Variants in NALF1 observed in about 807,000 individuals in gnomAD.
NALF1 encodes the protein family with sequence similarity 155 member A.
NALF1 carries 3 observed loss-of-function variants against 48.4 expected under a neutral mutation model. The ratio of observed to expected loss-of-function variants is 0.06; its 90% CI spans 0.03 to 0.16. The LOEUF (loss-of-function observed/expected upper bound fraction) is 0.16, where lower values mean the gene tolerates loss of function less well. Among genes scored for constraint, NALF1 ranks in the 10% least tolerant of loss-of-function variants. The probability of loss-of-function intolerance (pLI) is 1.00; values close to 1 mark genes in which losing one functional copy is unlikely to be tolerated. For synonymous variants in NALF1, 262 were observed against 245.7 expected (o/e 1.07, Z -0.62); for missense variants, 526 against 571.5 (o/e 0.92, Z 0.81).
chr13:107,199,504 C>T (rs1381636716), intron 2 of NALF1, among the ~76,000 whole-genome samples: 4 of 152,076 alleles, frequency 2.6e-5, no homozygotes, highest in African/African-American at 9.7e-5. Context: ...TATACGGTCA[C>T]ATTCTGGGGT....
At chr13:107,828,758 T>C (rs1391448248) in intron 1 of NALF1, among the ~76,000 whole-genome samples, 1 of 152,154 alleles carries the variant, frequency 6.6e-6, no homozygotes, top group Non-Finnish European at 1.5e-5. Context: ...CAATAATGGC[T>C]TAACAATTTG....
chr13:107,865,636 G>A (rs371583282), intron 1 of NALF1, 46 bp downstream of exon 1: 24 of 1,580,996 alleles, frequency 1.5e-5, no homozygotes, highest in Non-Finnish European at 2.1e-5. Flanking sequence ...CAACCAAGCA[G>A]AGATAGGAAA....
At chr13:107,264,096 G>A (rs149169794) in intron 1 of NALF1, among the ~76,000 whole-genome samples, 381 of 152,248 alleles carry the variant, frequency 2.5e-3, no homozygotes, top group African/African-American at 8.9e-3. Flanking sequence ...CTCCATTCGT[G>A]ATATTCAAAT....
intron 1 of NALF1, among the ~76,000 whole-genome samples, chr13:107,715,699 G>C (rs1875794380): frequency 6.6e-6 from 1 of 152,190 alleles, no homozygotes; most frequent in South Asian, 2.1e-4. Flanking sequence ...CAGCAGAGAT[G>C]GCTGTGAAGC....
intron 1 of NALF1, among the ~76,000 whole-genome samples, chr13:107,215,876 T>A (rs1473543565): frequency 6.6e-6 from 1 of 152,192 alleles, no homozygotes; most frequent in African/African-American, 2.4e-5. Context: ...CATTACTTTT[T>A]AAATATATAT....
chr13:107,437,277 T>C lies in NALF1; in HGVS notation c.916-226522A>G, dbSNP rs911183090. 2.0e-4 allele frequency among the ~76,000 whole-genome samples: 31 copies of C among 152,184 alleles called. 1 individual carries two copies. The stretch of plus-strand genomic sequence containing the variant: ...CCCACATGCAGGGGTACACTGACTA[T>C]CCTGTATTGTTGGTAGGGTAAAATA... On this transcript the variant is annotated intron_variant, in intron 1 of 2. Transcript: ENST00000375915.
rs906086087 is a variant in NALF1, at chr13:107,169,144, T to G, written c.*1353A>C. 6.6e-6 allele frequency: 1 copy of G among 152,578 alleles called. No homozygotes were observed. Among genetic ancestry groups the G allele is most frequent in the African/African-American group, 2.4e-5 (1 of 41,456 alleles). The allele number at this position is 152,578 out of a possible 1,614,324, so 9.5% of individuals were successfully genotyped here. On this transcript the variant is annotated 3_prime_UTR_variant, in exon 3 of 3. Coordinates refer to ENST00000375915, the MANE Select transcript of NALF1 (RefSeq NM_001080396.3). The stretch of plus-strand genomic sequence containing the variant: ...ATAAAATACAAACAGTGATCAGACC[T>G]CTTTTCCTCAACTACCTAGAGCATG...
intron 1 of NALF1, among the ~76,000 whole-genome samples, chr13:107,510,209 G>A (rs73594785): frequency 0.022 from 3,340 of 152,242 alleles, 111 homozygotes; most frequent in African/African-American, 0.076. Flanking sequence ...CTATTTGAGT[G>A]ATAGCATTCA....
rs1188981711 is a variant in NALF1 at position 107,165,138 on chromosome 13, T to C, written c.*5359A>G. 1.3e-5 allele frequency: 2 copies of C among 152,224 alleles called. No individual in the cohort carries two copies. The highest frequency in any genetic ancestry group is 2.4e-5 in the African/African-American group (1 of 41,466). The allele number at this position is 152,224 out of a possible 1,614,324, so 9.4% of individuals were successfully genotyped here. A position where few individuals can be genotyped will look rare whatever the true frequency, so the allele number is the denominator to read the frequency against. On this transcript the variant is annotated 3_prime_UTR_variant, in exon 3 of 3. Coordinates refer to ENST00000375915, the MANE Select transcript of NALF1 (RefSeq NM_001080396.3). ...ATTAAAAATAAAAATTAAAAATCTA[T>C]ATTTTATTAAAATATTCCCATAGAC... is the stretch of plus-strand genomic sequence containing the variant.
intron 1 of NALF1, among the ~76,000 whole-genome samples, chr13:107,293,887 C>T (rs553864119): frequency 3.9e-5 from 6 of 152,208 alleles, no homozygotes; most frequent in African/African-American, 1.2e-4. Flanking sequence ...AGAAAACAAC[C>T]GTATTGTTTT....
intron 1 of NALF1, among the ~76,000 whole-genome samples, chr13:107,620,550 G>A (rs1466340034): frequency 6.6e-6 from 1 of 152,130 alleles, no homozygotes; most frequent in East Asian, 1.9e-4. Context: ...GTATTGGCAG[G>A]AGGTTTCTGA....
At chr13:107,264,400 T>C (rs1444231363) in intron 1 of NALF1, among the ~76,000 whole-genome samples, 3 of 152,208 alleles carry the variant, frequency 2.0e-5, no homozygotes, top group Non-Finnish European at 4.4e-5. Context: ...ATATGGGTTG[T>C]TTTGTTTTGC....
At chr13:107,829,494 T>C (rs1879643000) in intron 1 of NALF1, among the ~76,000 whole-genome samples, 3 of 152,082 alleles carry the variant, frequency 2.0e-5, no homozygotes, top group Non-Finnish European at 4.4e-5. Context: ...TTTTTTCCAG[T>C]GGTGAAATAA....
At chr13:107,430,014 G>C (rs764605815) in intron 1 of NALF1, among the ~76,000 whole-genome samples, 1 of 152,180 alleles carries the variant, frequency 6.6e-6, no homozygotes, top group Non-Finnish European at 1.5e-5. Flanking sequence ...AGAGCTGATA[G>C]ATCATACTTG....
chr13:107,766,178 C>G (rs1877414440), intron 1 of NALF1, among the ~76,000 whole-genome samples: 1 of 152,070 alleles, frequency 6.6e-6, no homozygotes, highest in Admixed American at 6.6e-5. Flanking sequence ...GCCCCATTAG[C>G]CTGAGAAGCT....
At chr13:107,403,532 A>T (rs1446523009) in intron 1 of NALF1, among the ~76,000 whole-genome samples, 1 of 151,680 alleles carries the variant, frequency 6.6e-6, no homozygotes, top group Non-Finnish European at 1.5e-5. Context: ...AACATTTCAG[A>T]TTTGCTCTGA....
chr13:107,358,742 C>T (rs1189680265), intron 1 of NALF1, among the ~76,000 whole-genome samples: 4 of 152,108 alleles, frequency 2.6e-5, no homozygotes, highest in Non-Finnish European at 5.9e-5. Flanking sequence ...CAACATTCTC[C>T]ATGTGACATC....
intron 2 of NALF1, among the ~76,000 whole-genome samples, chr13:107,174,073 C>T (rs1029976350): frequency 2.0e-5 from 3 of 152,080 alleles, no homozygotes; most frequent in Admixed American, 2.0e-4. Context: ...TTTATGGTTA[C>T]CATGTTTATG....
At chr13:107,376,892 AG>A (rs1328574103) in intron 1 of NALF1, among the ~76,000 whole-genome samples, 1 of 152,218 alleles carries the variant, frequency 6.6e-6, no homozygotes, top group Non-Finnish European at 1.5e-5. Context: ...AGCCAGGCCC[AG>A]GAAACTGTCC....
Sources: allele counts gnomAD v4.1 joint callset (sites outside exome capture counted in the v4.1 genomes callset), GRCh38; gene constraint gnomAD v4.1.1; transcripts MANE v1.5; gene names NCBI Gene and HGNC (gene_info 2026-07-23, HGNC 2026-07-21).